The following MGST1 variants were observed in gnomAD, a reference collection of about 807,000 sequenced individuals.
The protein encoded by MGST1 is microsomal glutathione S-transferase 1.
A neutral mutation model predicts 8.9 loss-of-function variants in MGST1; 5 were observed. The ratio of observed to expected loss-of-function variants is 0.56; its 90% CI spans 0.29 to 1.19. The LOEUF is 1.19. MGST1 is among the 50% of genes most tolerant of loss of function. The pLI, the probability that MGST1 is intolerant of heterozygous loss-of-function variation, is 0.08. For missense variants in MGST1, 182 were observed against 187.4 expected, an observed-to-expected ratio of 0.97 and a Z score of 0.17; for synonymous variants, 54 against 67.8, an observed-to-expected ratio of 0.80 and a Z score of 1.00.
At chr12:16,457,269 A>G (rs1278751165) in intron 4 of MGST1, among the ~76,000 whole-genome samples, 1 of 152,002 alleles carries the variant, frequency 6.6e-6, no homozygotes. Flanking sequence ...GTTCATAAAC[A>G]TGTACATTAC....
chr12:16,554,859 C>T (rs1406774175), intron 4 of MGST1, among the ~76,000 whole-genome samples: 4 of 152,138 alleles, frequency 2.6e-5, no homozygotes, highest in South Asian at 2.1e-4. Flanking sequence ...GGGGTTTCAC[C>T]GTGTTAGCCA....
downstream of MGST1, among the ~76,000 whole-genome samples, chr12:16,439,144 T>C (rs1941016502): frequency 6.6e-6 from 1 of 150,826 alleles, no homozygotes; most frequent in African/African-American, 2.4e-5. Flanking sequence ...GAAAACTATC[T>C]ATATTCTGCT....
rs566588885 is a variant in MGST1, at chr12:16,550,283, CAAG to C, written n.483-39238_483-39236del. ...TGGAGAGATCTGGGCAGAATTTATA[CAAG>C]AAGAAGTTTAATTTATCACTTAAAA... On this transcript the variant is annotated intron_variant and non_coding_transcript_variant, in intron 4 of 4. Transcript: ENST00000538857. 7.2e-5 allele frequency: 11 copies of C among 152,482 alleles called. No individual in the cohort carries two copies. The East Asian group carries it at 2.1e-3, about 29-fold the overall frequency. The allele number at this position is 152,482 out of a possible 1,614,324, so 9.4% of individuals were successfully genotyped here.
downstream of MGST1, among the ~76,000 whole-genome samples, chr12:16,381,074 G>T (rs1940448963): frequency 6.6e-6 from 1 of 152,146 alleles, no homozygotes; most frequent in Non-Finnish European, 1.5e-5. Context: ...GCACACTGAT[G>T]TGTCTTGACT....
chr12:16,455,488 A>G (rs1941165268), intron 4 of MGST1, among the ~76,000 whole-genome samples: 1 of 151,724 alleles, frequency 6.6e-6, no homozygotes, highest in Non-Finnish European at 1.5e-5. Flanking sequence ...TATTTAATAA[A>G]TGTTGGATAA....
chr12:16,413,394 C>T lies in MGST1; in HGVS notation n.779-23994C>T, dbSNP rs1940759084. On this transcript the variant is annotated intron_variant and non_coding_transcript_variant, in intron 1 of 1. Transcript: ENST00000359720. The surrounding 1 kb of genome is among the most constrained non-coding windows in gnomAD (Gnocchi z 4.0). The stretch of plus-strand genomic sequence containing the variant: ...CATCTGTTCATCCCGCAAGATTTTG[C>T]TAACTCTCATCCAAGCAGCCCCATT... Among the ~76,000 whole-genome samples the T allele has an allele frequency of 6.6e-6, 1 of 152,184 alleles. No individual in the cohort carries two copies. Among genetic ancestry groups the T allele is most frequent in the African/African-American group, 2.4e-5 (1 of 41,444 alleles).
chr12:16,393,211 T>C (rs1019067601), intron 1 of MGST1, among the ~76,000 whole-genome samples: 31 of 152,206 alleles, frequency 2.0e-4, no homozygotes, highest in African/African-American at 7.5e-4. Context: ...GGCCCTGATA[T>C]TTTTGCTTCC....
chr12:16,444,150 T>C (rs1941060299), intron 4 of MGST1, among the ~76,000 whole-genome samples: 1 of 151,404 alleles, frequency 6.6e-6, no homozygotes, highest in Non-Finnish European at 1.5e-5. Flanking sequence ...AAGTGGATGA[T>C]GACAAAGGCT....
intron 4 of MGST1, among the ~76,000 whole-genome samples, chr12:16,533,010 A>C (rs1217831318): frequency 6.6e-6 from 1 of 152,168 alleles, no homozygotes. Context: ...ACATGTGAGC[A>C]TAGCTTGGGA....
intron 4 of MGST1, among the ~76,000 whole-genome samples, chr12:16,534,494 C>A (rs1272896232): frequency 6.6e-6 from 1 of 152,080 alleles, no homozygotes. Flanking sequence ...TAGGGGGCTG[C>A]ATATAGTAAG....
rs1940530471 is a variant in MGST1 at position 16,389,302 on chromosome 12, G to A, written n.778+5698G>A. Among the ~76,000 whole-genome samples the A allele has an allele frequency of 6.6e-6, 1 of 152,204 alleles. No homozygotes were observed. Among genetic ancestry groups the A allele is most frequent in the African/African-American group, 2.4e-5 (1 of 41,454 alleles). On this transcript the variant is annotated intron_variant and non_coding_transcript_variant, in intron 1 of 1. Coordinates refer to the MGST1 transcript ENST00000359720. This position sits in a 1 kb window ranked among gnomAD's most constrained non-coding sequence, Gnocchi z 4.6. ...ATCTCAACAGTCATTTATTGAGCCAGTTATTTGTAATGCAAGAGCACAACT... is the reference window on the plus strand; with the variant it reads ...ATCTCAACAGTCATTTATTGAGCCAATTATTTGTAATGCAAGAGCACAACT...
chr12:16,487,643 C>G (rs753280910), intron 4 of MGST1, among the ~76,000 whole-genome samples: 2 of 152,054 alleles, frequency 1.3e-5, no homozygotes, highest in Admixed American at 6.6e-5. Flanking sequence ...TCTTCTAGAT[C>G]AAGTGATAGA....
At chr12:16,411,101 C>T (rs1940738973) in intron 1 of MGST1, among the ~76,000 whole-genome samples, 1 of 152,144 alleles carries the variant, frequency 6.6e-6, no homozygotes, top group Non-Finnish European at 1.5e-5. Flanking sequence ...GTTCTTTTGT[C>T]ATGGACCCTC....
intron 1 of MGST1, among the ~76,000 whole-genome samples, chr12:16,416,234 C>T (rs2137079350): frequency 6.6e-6 from 1 of 152,210 alleles, no homozygotes; most frequent in East Asian, 1.9e-4. Flanking sequence ...CATGTTTCTG[C>T]TTAAAACTAT....
At chr12:16,407,677 T>A (rs1728478382) in intron 1 of MGST1, among the ~76,000 whole-genome samples, 2 of 152,048 alleles carry the variant, frequency 1.3e-5, no homozygotes, top group African/African-American at 2.4e-5. Flanking sequence ...TGCCCATCAT[T>A]TGTGAACTAG....
intron 4 of MGST1, among the ~76,000 whole-genome samples, chr12:16,579,555 A>C (rs1175410360): frequency 6.6e-6 from 1 of 152,222 alleles, no homozygotes; most frequent in Non-Finnish European, 1.5e-5. Flanking sequence ...ATAATTTGAA[A>C]AAAAGATTTT....
chr12:16,390,232 T>G (rs1298074923), intron 1 of MGST1, among the ~76,000 whole-genome samples: 1 of 152,102 alleles, frequency 6.6e-6, no homozygotes, highest in Non-Finnish European at 1.5e-5. Flanking sequence ...AATATTAAAC[T>G]GGGTAGAGAA....
intron 4 of MGST1, among the ~76,000 whole-genome samples, chr12:16,474,740 C>G (rs1271340731): frequency 1.3e-5 from 2 of 152,108 alleles, no homozygotes; most frequent in Admixed American, 6.5e-5. Flanking sequence ...AGAGCAATAA[C>G]AGTAATATTG....
intron 4 of MGST1, among the ~76,000 whole-genome samples, chr12:16,488,126 G>C (rs1046680177): frequency 2.6e-5 from 4 of 152,158 alleles, no homozygotes; most frequent in Non-Finnish European, 5.9e-5. Flanking sequence ...GTTTCCTCTG[G>C]AGAGAGGGTC....
Sources: gnomAD v4.1 joint callset for allele counts (sites outside exome capture counted in the v4.1 genomes callset) on GRCh38, gnomAD v4.1.1 for gene constraint, Gnocchi (gnomAD v3.1) non-coding constraint, MANE v1.5 for transcripts, NCBI Gene and HGNC (gene_info 2026-07-23, HGNC 2026-07-21) for gene names.